NYAP2: variants seen among roughly 807,000 people sequenced by gnomAD.
The protein encoded by NYAP2 is neuronal tyrosine-phosphorylated phosphoinositide-3-kinase adapter 2.
In NYAP2, 23 loss-of-function variants were observed where a neutral mutation model predicts 50.4. The observed-to-expected ratio is 0.46, with a 90% CI of 0.33 to 0.65. The LOEUF is 0.65. NYAP2 is among the 30% of genes least tolerant of loss of function. The probability of loss-of-function intolerance (pLI) is 0.02; values close to 1 mark genes in which losing one functional copy is unlikely to be tolerated. For missense variants in NYAP2, 885 were observed against 861.0 expected, an observed-to-expected ratio of 1.03 and a Z score of -0.35; for synonymous variants, 394 against 365.2, an observed-to-expected ratio of 1.08 and a Z score of -0.90.
In NYAP2 at chr2:225,455,778, A is replaced by G. The variant is rs575387285; in HGVS notation, c.221+46677A>G. ...CATATCTTTCAGTCTCCAGGACCAT[A>G]CTTTATGACTGCTGGATGGAAATGT... On this transcript the variant is annotated intron_variant, in intron 3 of 6. Transcript: ENST00000636099. 9.2e-5 allele frequency among the ~76,000 whole-genome samples: 14 copies of G among 152,358 alleles called. No individual in the cohort carries two copies. In the East Asian group the frequency reaches 2.7e-3, roughly 29 times the overall value.
chr2:225,559,597 G>A (rs937246119), intron 4 of NYAP2, among the ~76,000 whole-genome samples: 1 of 152,006 alleles, frequency 6.6e-6, no homozygotes, highest in Non-Finnish European at 1.5e-5. Context: ...AGGACCCATG[G>A]TTCGATTTAA....
At chr2:225,427,427 G>A (rs1478791930) in intron 3 of NYAP2, among the ~76,000 whole-genome samples, 1 of 152,186 alleles carries the variant, frequency 6.6e-6, no homozygotes, top group Non-Finnish European at 1.5e-5. Flanking sequence ...TTGACAGATT[G>A]TAGTGAGGAC....
At chr2:225,625,869 CT>C (rs1693200974) in intron 5 of NYAP2, among the ~76,000 whole-genome samples, 1 of 152,124 alleles carries the variant, frequency 6.6e-6, no homozygotes. Flanking sequence ...GGAGCTTATA[CT>C]TTGAGGAGTC....
At chr2:225,445,774 A>T in intron 3 of NYAP2, among the ~76,000 whole-genome samples, 1 of 152,182 alleles carries the variant, frequency 6.6e-6, no homozygotes, top group East Asian at 1.9e-4. Flanking sequence ...CCTATAAAAT[A>T]TTACAAAGAA....
At chr2:225,639,637 C>A (rs1039408590) in intron 6 of NYAP2, among the ~76,000 whole-genome samples, 1 of 152,180 alleles carries the variant, frequency 6.6e-6, no homozygotes, top group Non-Finnish European at 1.5e-5. Flanking sequence ...CTATTTCCAC[C>A]TCTGTGCTCC....
At chr2:225,629,660 G>A (rs1693275282) in intron 6 of NYAP2, among the ~76,000 whole-genome samples, 1 of 152,136 alleles carries the variant, frequency 6.6e-6, no homozygotes, top group Non-Finnish European at 1.5e-5. Flanking sequence ...TCTGTGCTGG[G>A]TCAAAACATG....
chr2:225,439,301 C>A (rs1689433783), intron 3 of NYAP2, among the ~76,000 whole-genome samples: 1 of 152,084 alleles, frequency 6.6e-6, no homozygotes, highest in African/African-American at 2.4e-5. Context: ...CAGTGATGGC[C>A]TCATAGTTAG....
Position 225,582,455 on chromosome 2 carries a change from C to T in NYAP2, c.1038C>T (p.Cys346=), listed in dbSNP as rs369448620. 953 of 1,074,580 alleles carry T rather than the reference C, an allele frequency of 8.9e-4. 1 individual carries two copies. Among genetic ancestry groups the T allele is most frequent in the Non-Finnish European group, 1.1e-3 (876 of 782,292 alleles). 66.6% of individuals were successfully genotyped at this position (1,074,580 alleles called of 1,614,324 possible). Residue 346 remains cysteine, a synonymous_variant, in exon 5 of 7, where the codon TGC becomes TGT. Transcript: ENST00000636099. This position sits in a 1 kb window ranked among gnomAD's most constrained non-coding sequence, Gnocchi z 7.0. ...TATTTCCCCCCGCCCCCGTGCATTG[C>T]TCCCCCAACTCCGACGAGTCCCCGC...
At chr2:225,589,346 G>T (rs1427272857) in intron 5 of NYAP2, among the ~76,000 whole-genome samples, 1 of 148,800 alleles carries the variant, frequency 6.7e-6, no homozygotes, top group East Asian at 2.0e-4. Flanking sequence ...TTTTTTAGGA[G>T]AATCCACACA....
At chr2:225,433,873 A>G (rs546699469) in intron 3 of NYAP2, among the ~76,000 whole-genome samples, 29 of 152,088 alleles carry the variant, frequency 1.9e-4, no homozygotes, top group African/African-American at 6.3e-4. Context: ...GAAGTGATAA[A>G]ACATCAGGTG....
At chr2:225,691,687 T>C in the NYAP2 span, among the ~76,000 whole-genome samples, 1 of 152,122 alleles carries the variant, frequency 6.6e-6, no homozygotes, top group Non-Finnish European at 1.5e-5. Flanking sequence ...ACAAGCACAG[T>C]TGCAGGTGAC....
At chr2:225,415,225 T>C (rs1264451852) in intron 3 of NYAP2, among the ~76,000 whole-genome samples, 3 of 152,200 alleles carry the variant, frequency 2.0e-5, no homozygotes, top group African/African-American at 7.2e-5. Context: ...TGCATATTAC[T>C]ATATATACTT....
chr2:225,685,480 C>T, the NYAP2 span, among the ~76,000 whole-genome samples: 6 of 152,112 alleles, frequency 3.9e-5, no homozygotes, highest in Admixed American at 6.5e-5. Context: ...TTTAAAAACA[C>T]ATAAATTAAC....
intron 3 of NYAP2, among the ~76,000 whole-genome samples, chr2:225,485,310 T>C (rs1207476818): frequency 6.6e-6 from 1 of 152,140 alleles, no homozygotes; most frequent in East Asian, 1.9e-4. Flanking sequence ...GAACTGTGAG[T>C]CAATTAAACC....
At chr2:225,571,090 A>G (rs970067917) in intron 4 of NYAP2, among the ~76,000 whole-genome samples, 8 of 152,266 alleles carry the variant, frequency 5.3e-5, no homozygotes, top group African/African-American at 1.9e-4. Context: ...CATCCAGGTC[A>G]TGCTGATGCA....
At chr2:225,561,289 G>A (rs1331582589) in intron 4 of NYAP2, among the ~76,000 whole-genome samples, 1 of 152,002 alleles carries the variant, frequency 6.6e-6, no homozygotes, top group Non-Finnish European at 1.5e-5. Context: ...TACATCGCTG[G>A]GGGAAGCACA....
intron 3 of NYAP2, among the ~76,000 whole-genome samples, chr2:225,485,891 G>A (rs566897388): frequency 2.0e-5 from 3 of 152,312 alleles, no homozygotes; most frequent in Admixed American, 2.0e-4. Flanking sequence ...GTGCATGTTA[G>A]AATATTTGGC....
At chr2:225,596,864 G>A (rs562472325) in intron 5 of NYAP2, among the ~76,000 whole-genome samples, 5 of 152,216 alleles carry the variant, frequency 3.3e-5, no homozygotes, top group South Asian at 2.1e-4. Flanking sequence ...TCATGTTGTC[G>A]ACAGCAAAAT....
chr2:225,612,324 C>T (rs149495263), intron 5 of NYAP2, among the ~76,000 whole-genome samples: 5 of 151,400 alleles, frequency 3.3e-5, no homozygotes, highest in East Asian at 1.9e-4. Context: ...TAAAATAACC[C>T]GAACAAAACA....
Sources: allele counts gnomAD v4.1 joint callset (sites outside exome capture counted in the v4.1 genomes callset), GRCh38; gene constraint gnomAD v4.1.1; non-coding constraint Gnocchi (gnomAD v3.1); transcripts MANE v1.5; gene names NCBI Gene and HGNC (gene_info 2026-07-23, HGNC 2026-07-21).